The following CELF2 variants were observed in gnomAD, a reference collection of about 807,000 sequenced individuals.
CELF2 encodes CUG triplet repeat RNA-binding protein 2.
Under a neutral mutation model 62.6 loss-of-function variants are expected in CELF2, and 8 were observed. That is an observed-to-expected ratio of 0.13 (90% CI 0.07 to 0.23). CELF2 has a LOEUF of 0.23. Among genes scored for constraint, CELF2 ranks in the 10% least tolerant of loss-of-function variants. The pLI is 1.00. For missense variants in CELF2, 333 were observed against 671.0 expected (o/e 0.50, Z 5.56); for synonymous variants, 258 against 250.0 (o/e 1.03, Z -0.30).
In CELF2 at chr10:10,805,703, T is replaced by C. The variant is rs139921209; in HGVS notation, c.53+6886T>C. On this transcript the variant is annotated intron_variant, in intron 1 of 13. Coordinates refer to the CELF2 transcript ENST00000636488. The stretch of plus-strand genomic sequence containing the variant: ...AGTTTTATAGCTCAAGGTGGAGGCC[T>C]AGTTGAGAAGAGCTCAGAGGAGCCC... Among the ~76,000 whole-genome samples the C allele has an allele frequency of 7.0e-4, 106 of 152,244 alleles. 1 individual carries two copies. Among genetic ancestry groups the C allele is most frequent in the African/African-American group, 2.4e-3 (100 of 41,538 alleles).
At chr10:11,166,317 T>G (rs1006424065) in intron 2 of CELF2, among the ~76,000 whole-genome samples, 2 of 152,144 alleles carry the variant, frequency 1.3e-5, no homozygotes, top group East Asian at 3.9e-4. Flanking sequence ...TACGCCCTTA[T>G]CAGTGTGGAG....
At chr10:10,950,317 C>G (rs980168091) in intron 2 of CELF2, among the ~76,000 whole-genome samples, 1 of 152,036 alleles carries the variant, frequency 6.6e-6, no homozygotes, top group Admixed American at 6.5e-5. Flanking sequence ...AATGGCCACT[C>G]TCATGTGCTT....
chr10:11,314,421 C>G lies in CELF2; in HGVS notation c.1096+163C>G, dbSNP rs1385890567. 3 of 858,460 alleles carry G rather than the reference C, an allele frequency of 3.5e-6. No homozygotes were observed. The South Asian group carries it at 4.3e-5, about 12-fold the overall frequency. 53.2% of individuals were successfully genotyped at this position (858,460 alleles called of 1,614,324 possible). ...CTTTGATAGGCAAAAGCTGTCTACA[C>G]TCGTTTTGCCTCAGAAAATCCCCAA... On this transcript the variant is annotated intron_variant, in intron 10 of 12. Coordinates refer to ENST00000633077, the MANE Select transcript of CELF2 (RefSeq NM_001326342.2). This position sits in a 1 kb window ranked among gnomAD's most constrained non-coding sequence, Gnocchi z 5.3.
the CELF2 span, among the ~76,000 whole-genome samples, chr10:10,623,337 A>AG: frequency 6.6e-6 from 1 of 152,208 alleles, no homozygotes; most frequent in Non-Finnish European, 1.5e-5. Flanking sequence ...TAAAAGTAAA[A>AG]GGGCAGTTGG....
chr10:11,140,360 C>T (rs2061135241), intron 1 of CELF2, among the ~76,000 whole-genome samples: 1 of 152,078 alleles, frequency 6.6e-6, no homozygotes, highest in Admixed American at 6.6e-5. Context: ...TCCATCTCAC[C>T]CTCCCAGGTA....
chr10:11,099,888 A>C (rs903374617), intron 1 of CELF2, among the ~76,000 whole-genome samples: 141 of 115,356 alleles, frequency 1.2e-3, no homozygotes, highest in Middle Eastern at 3.8e-3. Flanking sequence ...CAACAACAAA[A>C]AAAAAAAAAA....
the CELF2 span, among the ~76,000 whole-genome samples, chr10:10,640,956 G>GATCT: frequency 6.6e-6 from 1 of 152,254 alleles, no homozygotes; most frequent in South Asian, 2.1e-4. Context: ...GGGCCAAAGA[G>GATCT]ATCTGTACTG....
rs547767178 is a variant in CELF2 at position 11,309,687 on chromosome 10, C to T, written c.977-4452C>T. ...GTGCTCTTTCGGCCAGTCCTTGAGG[C>T]CTGCTCTGATCCCAGGAGGACTCTT... is the stretch of plus-strand genomic sequence containing the variant. On this transcript the variant is annotated intron_variant, in intron 9 of 12. Coordinates refer to ENST00000633077, the MANE Select transcript of CELF2 (RefSeq NM_001326342.2). The surrounding 1 kb of genome is among the most constrained non-coding windows in gnomAD (Gnocchi z 5.6). Among the ~76,000 whole-genome samples, 25 of 152,298 alleles carry T rather than the reference C, an allele frequency of 1.6e-4. No individual in the cohort carries two copies. The South Asian group carries it at 4.8e-3, about 29-fold the overall frequency.
At chr10:10,573,602 C>T in the CELF2 span, among the ~76,000 whole-genome samples, 1 of 152,098 alleles carries the variant, frequency 6.6e-6, no homozygotes, top group Non-Finnish European at 1.5e-5. Context: ...ATCTTGTGAG[C>T]ACATGTACTT....
Position 11,328,826 on chromosome 10 carries a change from C to T in CELF2, c.1439-100C>T. ...TGTGCTGGGCCCGTGGGGCTGGCAC[C>T]TCATGCTGGCTCTTCAGCCTTCCCC... On this transcript the variant is annotated intron_variant, in intron 12 of 12. Coordinates refer to ENST00000633077, the MANE Select transcript of CELF2 (RefSeq NM_001326342.2). This position sits in a 1 kb window ranked among gnomAD's most constrained non-coding sequence, Gnocchi z 6.4. 7.2e-7 allele frequency: 1 copy of T among 1,395,992 alleles called. No homozygotes were observed. The highest frequency in any genetic ancestry group is 9.7e-7 in the Non-Finnish European group (1 of 1,031,198). 86.5% of individuals were successfully genotyped at this position (1,395,992 alleles called of 1,614,324 possible). A position where few individuals can be genotyped will look rare whatever the true frequency, so the allele number is the denominator to read the frequency against.
At chr10:11,132,508 G>A (rs1265017003) in intron 1 of CELF2, among the ~76,000 whole-genome samples, 1 of 152,162 alleles carries the variant, frequency 6.6e-6, no homozygotes, top group Non-Finnish European at 1.5e-5. Flanking sequence ...GGGCAATAAA[G>A]GTAGAATCCT....
intron 1 of CELF2, among the ~76,000 whole-genome samples, chr10:10,801,956 G>A (rs151123519): frequency 9.9e-5 from 15 of 152,270 alleles, no homozygotes; most frequent in Non-Finnish European, 1.9e-4. Flanking sequence ...AGGGGTGGTC[G>A]TAGTGCTACT....
chr10:10,755,686 C>T, the CELF2 span, among the ~76,000 whole-genome samples: 1 of 152,164 alleles, frequency 6.6e-6, no homozygotes, highest in African/African-American at 2.4e-5. Flanking sequence ...TGGCCACGCC[C>T]CCTCTTACGA....
In CELF2 at chr10:10,957,902, G is replaced by T. The variant is rs924658470; in HGVS notation, c.89+37903G>T. ...CTAAGCACTTGAATCACTTCAGATT[G>T]TTTCGAAGAAAATCATTTTATGTCA... On this transcript the variant is annotated intron_variant, in intron 2 of 13. Transcript: ENST00000636488. The surrounding 1 kb of genome is among the most constrained non-coding windows in gnomAD (Gnocchi z 4.1). Among the ~76,000 whole-genome samples the T allele has an allele frequency of 2.6e-5, 4 of 152,130 alleles. No individual in the cohort carries two copies. The highest frequency in any genetic ancestry group is 7.2e-5 in the African/African-American group (3 of 41,438).
the CELF2 span, among the ~76,000 whole-genome samples, chr10:10,751,375 A>G: frequency 6.6e-6 from 1 of 152,260 alleles, no homozygotes. Context: ...AAAGTAAAAG[A>G]ATGTAGTTCC....
intron 2 of CELF2, among the ~76,000 whole-genome samples, chr10:11,197,058 AAAAGAAAGAAAGG>A (rs2058064087): frequency 8.3e-5 from 6 of 71,930 alleles, no homozygotes; most frequent in African/African-American, 3.5e-4. Flanking sequence ...AGAAAGAAAG[AAAAGAAAGAAAGG>A]AAAGAAAGAA....
At chr10:11,114,619 G>A (rs2056109491) in intron 1 of CELF2, among the ~76,000 whole-genome samples, 1 of 152,236 alleles carries the variant, frequency 6.6e-6, no homozygotes, top group African/African-American at 2.4e-5. Flanking sequence ...GGTTGAGTGA[G>A]TGGATGATGA....
At chr10:10,542,563 G>A in the CELF2 span, among the ~76,000 whole-genome samples, 1 of 152,208 alleles carries the variant, frequency 6.6e-6, no homozygotes, top group Non-Finnish European at 1.5e-5. Context: ...TGTCAGATGT[G>A]TCCTGATTGG....
Position 10,875,960 on chromosome 10 carries a change from C to G in CELF2, c.54-44004C>G, listed in dbSNP as rs566059460. 3.9e-5 allele frequency among the ~76,000 whole-genome samples: 6 copies of G among 152,280 alleles called. No individual in the cohort carries two copies. The South Asian group carries it at 1.2e-3, about 32-fold the overall frequency. ...TTTATATTCCATTCAAACTTGAACA[C>G]AGCAAGAGAAAACCTACCTACAGGG... On this transcript the variant is annotated intron_variant, in intron 1 of 13. Coordinates refer to the CELF2 transcript ENST00000636488.
Sources: gnomAD v4.1 joint callset for allele counts (sites outside exome capture counted in the v4.1 genomes callset) on GRCh38, gnomAD v4.1.1 for gene constraint, Gnocchi (gnomAD v3.1) non-coding constraint, MANE v1.5 for transcripts, NCBI Gene and HGNC (gene_info 2026-07-23, HGNC 2026-07-21) for gene names.